Variants in CTNNA2 observed in about 807,000 individuals in gnomAD.
CTNNA2 encodes catenin alpha 2.
Under a neutral mutation model 101.0 loss-of-function variants are expected in CTNNA2, and 42 were observed. The ratio of observed to expected loss-of-function variants is 0.42; its 90% CI spans 0.32 to 0.54. The LOEUF (loss-of-function observed/expected upper bound fraction) is 0.54, where lower values mean the gene tolerates loss of function less well. CTNNA2 is among the 20% of genes least tolerant of loss of function. The probability of loss-of-function intolerance (pLI) is 0.14; values close to 1 mark genes in which losing one functional copy is unlikely to be tolerated. For synonymous variants in CTNNA2, 450 were observed against 456.4 expected (o/e 0.99, Z 0.18); for missense variants, 871 against 1,223.1 (o/e 0.71, Z 4.29).
chr2:79,293,727 A>G (rs753039858), intron 2 of CTNNA2, among the ~76,000 whole-genome samples: 3 of 152,194 alleles, frequency 2.0e-5, no homozygotes, highest in Non-Finnish European at 4.4e-5. Context: ...CAACAAACAC[A>G]TTAGTGTGGG....
chr2:79,838,471 G>A (rs1256957280), intron 3 of CTNNA2, among the ~76,000 whole-genome samples: 1 of 152,048 alleles, frequency 6.6e-6, no homozygotes, highest in Non-Finnish European at 1.5e-5. Context: ...AACAATAGGA[G>A]GCTATATCTG....
intron 7 of CTNNA2, among the ~76,000 whole-genome samples, chr2:79,949,223 G>A (rs1347304736): frequency 1.3e-5 from 2 of 152,150 alleles, no homozygotes; most frequent in African/African-American, 4.8e-5. Flanking sequence ...ATTGTAAGGA[G>A]CAAGTATGTT....
At chr2:79,987,121 A>AT (rs2103871292) in intron 7 of CTNNA2, among the ~76,000 whole-genome samples, 1 of 152,258 alleles carries the variant, frequency 6.6e-6, no homozygotes, top group Admixed American at 6.5e-5. Flanking sequence ...CTCTTCCAAA[A>AT]TTCAAGTCCA....
chr2:79,909,414 A>G (rs1685639163), intron 6 of CTNNA2, among the ~76,000 whole-genome samples, 180 bp from the exon 7 acceptor site: 1 of 152,266 alleles, frequency 6.6e-6, no homozygotes, highest in African/African-American at 2.4e-5. Flanking sequence ...GATTACATTT[A>G]GGACAAAATA....
At chr2:79,588,439 CT>C (rs1371565438) in intron 1 of CTNNA2, among the ~76,000 whole-genome samples, 3 of 152,098 alleles carry the variant, frequency 2.0e-5, no homozygotes, top group Admixed American at 2.0e-4. Flanking sequence ...TAAAGATATA[CT>C]TACATTTATT....
intron 9 of CTNNA2, among the ~76,000 whole-genome samples, chr2:80,537,345 A>T (rs577200576): frequency 8.2e-4 from 125 of 152,290 alleles, no homozygotes; most frequent in African/African-American, 2.6e-3. Context: ...TTTGGTTGGT[A>T]CTATGCCTTT....
Position 80,611,280 on chromosome 2 carries a change from GAA to G in CTNNA2, c.2430+2963_2430+2964del, listed in dbSNP as rs146683911. 9.3e-3 allele frequency among the ~76,000 whole-genome samples: 1,397 copies of G among 150,612 alleles called. 28 individuals carry two copies. Among genetic ancestry groups the G allele is most frequent in the African/African-American group, 0.031 (1,263 of 41,196 alleles). On this transcript the variant is annotated intron_variant, in intron 17 of 18. Coordinates refer to ENST00000402739, the MANE Select transcript of CTNNA2 (RefSeq NM_001282597.3). ...AGTTTACAGGCTTTTTTGAGAAAAA[GAA>G]TATTGAAAGCAGAAAGAAAGATAAG...
chr2:80,456,930 G>A (rs1055198815), intron 9 of CTNNA2, among the ~76,000 whole-genome samples: 1 of 152,040 alleles, frequency 6.6e-6, no homozygotes, highest in Admixed American at 6.6e-5. Flanking sequence ...AGCACAGTGG[G>A]GTGACTATAG....
At chr2:79,253,388 T>C (rs1674798621) in intron 2 of CTNNA2, among the ~76,000 whole-genome samples, 1 of 152,178 alleles carries the variant, frequency 6.6e-6, no homozygotes, top group South Asian at 2.1e-4. Context: ...AAACAAGAAA[T>C]AGATGTGCAG....
intron 2 of CTNNA2, among the ~76,000 whole-genome samples, chr2:79,288,644 A>G (rs1675695501): frequency 1.3e-5 from 2 of 151,860 alleles, no homozygotes; most frequent in South Asian, 4.2e-4. Context: ...GGCTAGCTTA[A>G]GCTTCCTCAT....
intron 7 of CTNNA2, among the ~76,000 whole-genome samples, chr2:80,009,726 C>CTGTGTGTGTG (rs57813087): frequency 4.7e-5 from 7 of 147,904 alleles, no homozygotes; most frequent in South Asian, 4.4e-4. Flanking sequence ...TGGTGTGTGT[C>CTGTGTGTGTG]TGTGTGTGTG....
chr2:80,091,282 T>C (rs778266744), intron 7 of CTNNA2, among the ~76,000 whole-genome samples: 1 of 152,106 alleles, frequency 6.6e-6, no homozygotes, highest in Non-Finnish European at 1.5e-5. Context: ...CTATTCGACT[T>C]GTTTTCTAGC....
chr2:79,511,604 A>T (rs1433626778), upstream of CTNNA2, among the ~76,000 whole-genome samples: 1 of 152,122 alleles, frequency 6.6e-6, no homozygotes, highest in Non-Finnish European at 1.5e-5. Flanking sequence ...TTTTCCCAGG[A>T]ATTTTTAAAT....
At chr2:79,657,710 C>A (rs1323388438) in intron 2 of CTNNA2, among the ~76,000 whole-genome samples, 2 of 151,118 alleles carry the variant, frequency 1.3e-5, no homozygotes, top group Non-Finnish European at 3.0e-5. Flanking sequence ...GTAAATAGCA[C>A]CCAGCAGTAT....
At chr2:80,631,292 G>T (rs557090881) in intron 18 of CTNNA2, among the ~76,000 whole-genome samples, 1 of 151,020 alleles carries the variant, frequency 6.6e-6, no homozygotes, top group Admixed American at 6.6e-5. Flanking sequence ...GAAGTTAAAG[G>T]TAGTACTTTT....
chr2:80,253,288 C>T (rs1158794786), intron 7 of CTNNA2, among the ~76,000 whole-genome samples: 3 of 152,162 alleles, frequency 2.0e-5, no homozygotes, highest in Non-Finnish European at 4.4e-5. Context: ...TATCTAAGTA[C>T]ATTTTACTAA....
At chr2:79,442,021 ATTAG>A (rs1678783446) in intron 4 of CTNNA2, among the ~76,000 whole-genome samples, 1 of 152,170 alleles carries the variant, frequency 6.6e-6, no homozygotes, top group South Asian at 2.1e-4. Flanking sequence ...CTAATTAGCT[ATTAG>A]TTTTCATTCT....
intron 1 of CTNNA2, among the ~76,000 whole-genome samples, chr2:79,527,768 A>G (rs748418314): frequency 6.6e-5 from 10 of 152,186 alleles, no homozygotes; most frequent in Admixed American, 5.2e-4. Context: ...TTTCTCAAAA[A>G]GTTAAATATA....
At chr2:79,459,680 A>G (rs1670857908) in intron 4 of CTNNA2, among the ~76,000 whole-genome samples, 2 of 152,334 alleles carry the variant, frequency 1.3e-5, no homozygotes, top group South Asian at 4.1e-4. Context: ...AGACAGAGCC[A>G]TAAGCCCTTG....
Sources: gnomAD v4.1 joint callset for allele counts (sites outside exome capture counted in the v4.1 genomes callset) on GRCh38, gnomAD v4.1.1 for gene constraint, MANE v1.5 for transcripts, NCBI Gene and HGNC (gene_info 2026-07-23, HGNC 2026-07-21) for gene names.